Variants in GRID2IP observed in about 807,000 individuals in gnomAD.
GRID2IP encodes the protein delphilin.
GRID2IP carries 78 observed loss-of-function variants against 114.3 expected under a neutral mutation model. That is an observed-to-expected ratio of 0.68 (90% confidence interval 0.57 to 0.82). The LOEUF is 0.82. GRID2IP is among the 40% of genes least tolerant of loss of function. The pLI, the probability that GRID2IP is intolerant of heterozygous loss-of-function variation, is 0.00. For synonymous variants in GRID2IP, 809 were observed against 724.0 expected (o/e 1.12, Z -1.89); for missense variants, 1,727 against 1,678.5 (o/e 1.03, Z -0.51).
At chr7:6,510,100 G>A (rs1786722600) in intron 11 of GRID2IP, among the ~76,000 whole-genome samples, 183 bp downstream of exon 11, 2 of 152,178 alleles carry the variant, frequency 1.3e-5, no homozygotes, top group Admixed American at 1.3e-4. Flanking sequence ...AAAGTGCTGG[G>A]ATTACAGGCA....
At chr7:6,500,794 G>A (rs995104235) in intron 20 of GRID2IP, among the ~76,000 whole-genome samples, 4 of 152,200 alleles carry the variant, frequency 2.6e-5, no homozygotes, top group South Asian at 2.1e-4. Flanking sequence ...GGGGAGCAGC[G>A]AGAACTGCCA....
chr7:6,514,544 A>G lies in GRID2IP; in HGVS notation c.1269-15T>C. ...TGTCGATGTTCCTGGGGGAAGGTGC[A>G]GGAATGTGAGGCTCAATACTCACGG... On this transcript the variant is annotated splice_polypyrimidine_tract_variant and intron_variant, in intron 7 of 21. Coordinates refer to ENST00000457091, the MANE Select transcript of GRID2IP (RefSeq NM_001145118.2). 6.7e-7 allele frequency: 1 copy of G among 1,496,314 alleles called. No homozygotes were observed. The highest frequency in any genetic ancestry group is 1.3e-5 in the South Asian group (1 of 79,112). The allele number at this position is 1,496,314 out of a possible 1,614,324, so 92.7% of individuals were successfully genotyped here.
At chr7:6,504,187 C>T (rs1313593275) in intron 15 of GRID2IP, among the ~76,000 whole-genome samples, 2 of 141,248 alleles carry the variant, frequency 1.4e-5, no homozygotes, top group Non-Finnish European at 3.1e-5. Flanking sequence ...GGAAAGAGGG[C>T]GGGGCTTTGG....
At chr7:6,510,116 C>G (rs562051929) in intron 11 of GRID2IP, among the ~76,000 whole-genome samples, 167 bp downstream of exon 11, 83 of 152,274 alleles carry the variant, frequency 5.5e-4, no homozygotes, top group Non-Finnish European at 1.0e-3. Context: ...AGGCACGACC[C>G]ACGGTACCCA....
In GRID2IP at chr7:6,512,218, T is replaced by G. The variant is rs150692130; in HGVS notation, c.1424-1179A>C. ...AGATGTGAGCCACCACACCTGCCTT[T>G]TTTTCTTTTCTTCTTTTTTTTTTTT... On this transcript the variant is annotated intron_variant, in intron 8 of 21. Coordinates refer to ENST00000457091, the MANE Select transcript of GRID2IP (RefSeq NM_001145118.2). Among the ~76,000 whole-genome samples the G allele has an allele frequency of 2.0e-3, 281 of 139,056 alleles. 8 individuals are homozygous for G. The East Asian group carries it at 0.05, about 25-fold the overall frequency. The allele number at this position is 139,056 out of a possible 152,430, so 91.2% of individuals were successfully genotyped here.
chr7:6,548,479 A>G (rs1779919720), intron 1 of GRID2IP, among the ~76,000 whole-genome samples: 1 of 152,212 alleles, frequency 6.6e-6, no homozygotes, highest in African/African-American at 2.4e-5. Flanking sequence ...GTATTAGAGT[A>G]TCTCAGATAC....
chr7:6,514,344 G>A, intron 8 of GRID2IP, 31 bp downstream of exon 8: 1 of 1,466,690 alleles, frequency 6.8e-7, no homozygotes, highest in Non-Finnish European at 9.1e-7. Context: ...GCAGCTGCAG[G>A]CAGGGAAGTG....
At chr7:6,503,385 C>A in intron 16 of GRID2IP, 106 bp downstream of exon 16, 1 of 1,172,370 alleles carries the variant, frequency 8.5e-7, no homozygotes, top group Non-Finnish European at 1.2e-6. Context: ...GAGGCTTGGG[C>A]GCAATGGCGG....
intron 7 of GRID2IP, among the ~76,000 whole-genome samples, chr7:6,517,615 T>A (rs1482009676): frequency 6.6e-6 from 1 of 152,046 alleles, no homozygotes; most frequent in Admixed American, 6.6e-5. Context: ...ATCTAAAATA[T>A]ACAAAGGTGT....
At chr7:6,518,889 A>T (rs77798396) in intron 7 of GRID2IP, among the ~76,000 whole-genome samples, 1 of 150,230 alleles carries the variant, frequency 6.7e-6, no homozygotes, top group African/African-American at 2.5e-5. Flanking sequence ...AGTTAGACAC[A>T]AAACATGATA....
At position 6,551,025 on chromosome 7, in the gene GRID2IP, G is replaced by C. The variant is rs1779967056; in HGVS notation, c.412C>G (p.Gln138Glu). 1.2e-5 allele frequency: 14 copies of C among 1,197,562 alleles called. No individual in the cohort carries two copies. Among genetic ancestry groups the C allele is most frequent in the Non-Finnish European group, 1.4e-5 (14 of 969,594 alleles). 74.2% of individuals were successfully genotyped at this position (1,197,562 alleles called of 1,614,324 possible). ...AVHRERRRKA[Q>E]EFSRKVDEIL... ...CGCCTTACCTTGCGGCTGAACTCTT[G>C]GGCCTTGCGCCTGCGCTCTCGGTGC... The change falls in exon 1 of 22, where the codon CAA becomes GAA. Residue 138 changes from glutamine (Q) to glutamate (E), a missense_variant. Coordinates refer to ENST00000457091, the MANE Select transcript of GRID2IP (RefSeq NM_001145118.2).
intron 1 of GRID2IP, among the ~76,000 whole-genome samples, chr7:6,545,596 C>G (rs1779876558): frequency 6.6e-6 from 1 of 152,206 alleles, no homozygotes. Flanking sequence ...AGGCCACGTT[C>G]TGTACACGTC....
chr7:6,531,693 G>C (rs1390046019), intron 2 of GRID2IP, among the ~76,000 whole-genome samples: 1 of 152,256 alleles, frequency 6.6e-6, no homozygotes, highest in Non-Finnish European at 1.5e-5. Flanking sequence ...GAAGAGGCTG[G>C]ATAGGGAGGC....
intron 14 of GRID2IP, among the ~76,000 whole-genome samples, chr7:6,505,607 G>A (rs918484906): frequency 2.6e-5 from 4 of 152,124 alleles, no homozygotes; most frequent in East Asian, 1.9e-4. Context: ...GAGCTCAGGC[G>A]ATCCACCCAC....
chr7:6,546,153 G>A (rs985247124), intron 1 of GRID2IP, among the ~76,000 whole-genome samples: 2 of 151,630 alleles, frequency 1.3e-5, no homozygotes, highest in Admixed American at 1.3e-4. Flanking sequence ...GAGAACTGGA[G>A]GGCTGGTGAT....
chr7:6,503,184 G>C, intron 16 of GRID2IP, 21 bp from the exon 17 acceptor site: 1 of 1,490,290 alleles, frequency 6.7e-7, no homozygotes. Flanking sequence ...GGCAGAGCCA[G>C]GATTCACCCA....
intron 8 of GRID2IP, among the ~76,000 whole-genome samples, chr7:6,512,843 A>G (rs144104272): frequency 6.6e-6 from 1 of 151,790 alleles, no homozygotes; most frequent in Non-Finnish European, 1.5e-5. Context: ...TTTTGAATAT[A>G]TGGGGGTCTT....
In GRID2IP at chr7:6,508,970, G is replaced by A. The variant is rs187045506; in HGVS notation, c.2115C>T (p.Asn705=). The part of the protein sequence containing the change: ...TIVDDFLTPE[N]DYEEMSFHDD... ...CTTGCGTGCCCACCTCCTCGTAGTC[G>A]TTCTCCGGGGTCAGGAAATCATCCA... The change falls in exon 12 of 22, where the codon AAC becomes AAT. Residue 705 remains asparagine, a synonymous_variant. Transcript: ENST00000457091. The surrounding 1 kb of genome is among the most constrained non-coding windows in gnomAD (Gnocchi z 5.6). 222 of 1,547,032 alleles carry A rather than the reference G, an allele frequency of 1.4e-4. No homozygotes were observed. The highest frequency in any genetic ancestry group is 1.2e-3 in the African/African-American group (91 of 73,142).
Position 6,501,846 on chromosome 7 carries a change from C to T in GRID2IP, c.3334G>A (p.Glu1112Lys), listed in dbSNP as rs1040888576. 7.7e-6 allele frequency: 12 copies of T among 1,551,566 alleles called. No individual in the cohort carries two copies. The highest frequency in any genetic ancestry group is 4.9e-5 in the East Asian group (2 of 40,918). The change falls in exon 20 of 22, where the codon GAG (glutamate) becomes AAG (lysine). Residue 1112 changes from glutamate to lysine, a missense_variant. Coordinates refer to ENST00000457091, the MANE Select transcript of GRID2IP (RefSeq NM_001145118.2). ...DLADLHGTISEIQDACQSISP... is the reference protein window; with the variant it reads ...DLADLHGTISKIQDACQSISP... ...ATGCTCTGGCAGGCATCCTGTATCT[C>T]GCTGATAGTGCCATGGAGGTCAGCC...
Sources: gnomAD v4.1 joint callset for allele counts (sites outside exome capture counted in the v4.1 genomes callset) on GRCh38, gnomAD v4.1.1 for gene constraint, Gnocchi (gnomAD v3.1) non-coding constraint, MANE v1.5 for transcripts, NCBI Gene and HGNC (gene_info 2026-07-23, HGNC 2026-07-21) for gene names.